The following NTN1 variants were observed in gnomAD, a reference collection of about 807,000 sequenced individuals.
The protein encoded by NTN1 is netrin-1.
In NTN1, 11 loss-of-function variants were observed where a neutral mutation model predicts 54.2. The observed-to-expected ratio is 0.20, with a 90% confidence interval of 0.13 to 0.34. The LOEUF is 0.34. Ranked by LOEUF, NTN1 falls within the 10% of genes least tolerant of loss-of-function variation. The pLI is 1.00. For missense variants in NTN1, 740 were observed against 893.1 expected (o/e 0.83, Z 2.18); for synonymous variants, 371 against 382.0 (o/e 0.97, Z 0.33).
At chr17:9,151,949 C>T (rs377407450) in intron 2 of NTN1, among the ~76,000 whole-genome samples, 1 of 152,080 alleles carries the variant, frequency 6.6e-6, no homozygotes, top group Non-Finnish European at 1.5e-5. Flanking sequence ...TCAATCAGCC[C>T]GAGTCTAAAA....
chr17:9,005,384 C>T, the NTN1 span, among the ~76,000 whole-genome samples: 2 of 152,178 alleles, frequency 1.3e-5, no homozygotes, highest in Non-Finnish European at 2.9e-5. Flanking sequence ...AACAGTGAAT[C>T]TCGGACTCTG....
chr17:9,067,480 A>G (rs1418954887), intron 2 of NTN1, among the ~76,000 whole-genome samples: 1 of 152,190 alleles, frequency 6.6e-6, no homozygotes, highest in Non-Finnish European at 1.5e-5. Context: ...TACATTTGTC[A>G]GTGGAATAAG....
intron 2 of NTN1, among the ~76,000 whole-genome samples, chr17:9,113,561 G>A (rs909983793): frequency 6.6e-6 from 1 of 152,088 alleles, no homozygotes; most frequent in Non-Finnish European, 1.5e-5. Flanking sequence ...CAAGCTCCGG[G>A]AGAACATGTC....
chr17:9,044,697 T>G (rs1383803514), intron 2 of NTN1, among the ~76,000 whole-genome samples: 1 of 151,522 alleles, frequency 6.6e-6, no homozygotes, highest in Non-Finnish European at 1.5e-5. Context: ...GATTTTATTC[T>G]CCAGATACTC....
At chr17:9,167,631 C>G (rs186289887) in intron 3 of NTN1, among the ~76,000 whole-genome samples, 17 of 152,312 alleles carry the variant, frequency 1.1e-4, no homozygotes, top group Admixed American at 1.0e-3. Flanking sequence ...CAAGAAGATG[C>G]AATAATTAGC....
At chr17:9,152,503 C>G (rs1338535377) in intron 2 of NTN1, among the ~76,000 whole-genome samples, 2 of 152,108 alleles carry the variant, frequency 1.3e-5, no homozygotes, top group African/African-American at 4.8e-5. Context: ...CAGGGTCATC[C>G]CGCCACCACC....
At chr17:9,110,874 G>A (rs562695098) in intron 2 of NTN1, among the ~76,000 whole-genome samples, 2 of 150,106 alleles carry the variant, frequency 1.3e-5, no homozygotes, top group African/African-American at 4.9e-5. Flanking sequence ...CTCTGCATGT[G>A]TCTTTCCCTT....
rs3031881 is a variant in NTN1 at position 9,195,192 on chromosome 17, A to ACCGCCCC, written c.1411+12225_1411+12226insGCCCCCC. 1.8e-4 allele frequency among the ~76,000 whole-genome samples: 25 copies of ACCGCCCC among 142,520 alleles called. 1 individual carries two copies. The highest frequency in any genetic ancestry group is 5.7e-4 in the African/African-American group (22 of 38,366). The allele number at this position is 142,520 out of a possible 152,430, so 93.5% of individuals were successfully genotyped here. On this transcript the variant is annotated intron_variant, in intron 5 of 6. Transcript: ENST00000173229. ...GGGTGAACAGGGCCAGGCGAGCTCTACCACCCCTCCACCCCTCCACCCTGG... is the reference window on the plus strand; with the variant it reads ...GGGTGAACAGGGCCAGGCGAGCTCTACCGCCCCCCACCCCTCCACCCCTCCACCCTGG...
In NTN1 at chr17:9,073,241, G is replaced by T. The variant is rs138151417; in HGVS notation, c.1018+49850G>T. Among the ~76,000 whole-genome samples, 1,310 of 152,106 alleles carry T rather than the reference G, an allele frequency of 8.6e-3. 22 individuals are homozygous for T. Among genetic ancestry groups the T allele is most frequent in the African/African-American group, 0.029 (1,220 of 41,540 alleles). ...GGCCCCAGACACCTGTCTCCTGAGC[G>T]CCGAGACTTGGGGGTGGAAGGTGGG... On this transcript the variant is annotated intron_variant, in intron 2 of 6. Coordinates refer to ENST00000173229, the MANE Select transcript of NTN1 (RefSeq NM_004822.3).
chr17:9,106,487 T>TCCTTCCTTCCTC, intron 2 of NTN1, among the ~76,000 whole-genome samples: 1 of 56,244 alleles, frequency 1.8e-5, no homozygotes, highest in Non-Finnish European at 4.9e-5. Flanking sequence ...CTTCCTTCCT[T>TCCTTCCTTCCTC]CCTTCCTTCC....
chr17:9,067,234 T>A (rs981384378), intron 2 of NTN1, among the ~76,000 whole-genome samples: 2 of 147,670 alleles, frequency 1.4e-5, no homozygotes, highest in African/African-American at 5.0e-5. Context: ...GCCACTGTAC[T>A]CCAGCCTGGG....
At chr17:9,167,149 C>T (rs927215501) in intron 3 of NTN1, among the ~76,000 whole-genome samples, 3 of 152,158 alleles carry the variant, frequency 2.0e-5, no homozygotes, top group African/African-American at 2.4e-5. Flanking sequence ...GGGACGGCCT[C>T]GTTATGGTGC....
At chr17:9,234,984 TGG>T (rs1905936406) in intron 6 of NTN1, among the ~76,000 whole-genome samples, 1 of 117,128 alleles carries the variant, frequency 8.5e-6, no homozygotes. Context: ...TTTTTTGAGA[TGG>T]AGTTTCGCTC....
In NTN1 at chr17:9,022,734, C is replaced by A. The variant is rs1008999734; in HGVS notation, c.361C>A (p.Gln121Lys). The change falls in exon 2 of 7, where the codon CAG (glutamine) becomes AAG (lysine). Residue 121 changes from glutamine to lysine, a missense_variant. By Grantham distance (53) the Gln-to-Lys change is moderately conservative (BLOSUM62 1). Transcript: ENST00000173229. ...CAACCCGCACAACCTGACGTGCTGG[C>A]AGTCCGAGAACTACCTGCAGTTCCC... The part of the protein sequence containing the change: ...LNNPHNLTCW[Q>K]SENYLQFPHN... 1.2e-6 allele frequency: 2 copies of A among 1,607,428 alleles called. No individual in the cohort carries two copies. The highest frequency in any genetic ancestry group is 8.5e-7 in the Non-Finnish European group (1 of 1,177,602).
intron 2 of NTN1, among the ~76,000 whole-genome samples, chr17:9,150,018 A>G (rs1233000745): frequency 6.6e-6 from 1 of 152,178 alleles, no homozygotes; most frequent in Non-Finnish European, 1.5e-5. Context: ...CCTGGCCAAC[A>G]TGGCGAAACT....
intron 6 of NTN1, among the ~76,000 whole-genome samples, chr17:9,226,205 T>C (rs1174591310): frequency 6.7e-6 from 1 of 149,176 alleles, no homozygotes. Flanking sequence ...GCCACTCATA[T>C]CGGAGGGACC....
At chr17:9,018,968 T>C (rs2091837710), upstream of NTN1, among the ~76,000 whole-genome samples, 1 of 152,236 alleles carries the variant, frequency 6.6e-6, no homozygotes, top group South Asian at 2.1e-4. Flanking sequence ...CTGATTTTAG[T>C]ACCAAGAATA....
intron 3 of NTN1, among the ~76,000 whole-genome samples, chr17:9,178,412 CAACA>C (rs1305327021): frequency 6.6e-6 from 1 of 152,232 alleles, no homozygotes; most frequent in Non-Finnish European, 1.5e-5. Context: ...GACACAACTT[CAACA>C]AACAATTCCT....
Position 9,082,627 on chromosome 17 carries a change from G to A in NTN1, c.1018+59236G>A, listed in dbSNP as rs113788791. ...ACACACACTGCCTGCTGCAGACGCC[G>A]GGCCGGGGGCTTCACAGAGAGGATA... On this transcript the variant is annotated intron_variant, in intron 2 of 6. Coordinates refer to ENST00000173229, the MANE Select transcript of NTN1 (RefSeq NM_004822.3). 2.6e-5 allele frequency among the ~76,000 whole-genome samples: 4 copies of A among 152,294 alleles called. 1 individual carries two copies. The highest frequency in any genetic ancestry group is 4.1e-4 in the South Asian group (2 of 4,824).
Sources: gnomAD v4.1 joint callset for allele counts (sites outside exome capture counted in the v4.1 genomes callset) on GRCh38, gnomAD v4.1.1 for gene constraint, MANE v1.5 for transcripts, NCBI Gene and HGNC (gene_info 2026-07-23, HGNC 2026-07-21) for gene names.